TMOD1: variants seen among roughly 807,000 people sequenced by gnomAD.
The protein encoded by TMOD1 is tropomodulin 1.
A neutral mutation model predicts 40.6 loss-of-function variants in TMOD1; 17 were observed. That is an observed-to-expected ratio of 0.42 (90% CI 0.29 to 0.63). The LOEUF (loss-of-function observed/expected upper bound fraction) is 0.63, where lower values mean the gene tolerates loss of function less well. TMOD1 is among the 20% of genes least tolerant of loss of function. The pLI, the probability that TMOD1 is intolerant of heterozygous loss-of-function variation, is 0.22. For synonymous variants in TMOD1, 181 were observed against 175.0 expected (o/e 1.03, Z -0.27); for missense variants, 391 against 447.6 (o/e 0.87, Z 1.14).
intron 8 of TMOD1, among the ~76,000 whole-genome samples, 162 bp downstream of exon 8, chr9:97,569,199 G>C (rs1222016288): frequency 6.6e-6 from 1 of 152,118 alleles, no homozygotes; most frequent in African/African-American, 2.4e-5. Flanking sequence ...CCTCTACCAC[G>C]CTCACCTTCC....
upstream of TMOD1, chr9:97,501,553 G>C (rs182340472): frequency 3.3e-5 from 5 of 150,504 alleles, no homozygotes; most frequent in Non-Finnish European, 7.4e-5. Context: ...GTGGAGGGGG[G>C]GGGAAGGAGG....
Position 97,590,517 on chromosome 9 carries a change from C to T in TMOD1, c.871-774C>T, listed in dbSNP as rs376919147. Among the ~76,000 whole-genome samples the T allele has an allele frequency of 3.1e-4, 47 of 152,200 alleles. No individual in the cohort carries two copies. In the South Asian group the frequency reaches 6.8e-3, roughly 22 times the overall value. On this transcript the variant is annotated intron_variant, in intron 8 of 9. Coordinates refer to ENST00000259365, the MANE Select transcript of TMOD1 (RefSeq NM_003275.4). ...CTAGGATAACAGGCATGAGCCACCA[C>T]GCCTGGCCTCTTAAGAAATTGTTTC...
chr9:97,559,815 ATATATATATGTCTATCTATCTATCTATC>A (rs1354249071), intron 4 of TMOD1, among the ~76,000 whole-genome samples: 3 of 53,128 alleles, frequency 5.6e-5, no homozygotes, highest in East Asian at 1.1e-3. Flanking sequence ...ATATATATAT[ATATATATATGTCTATCTATCTATCTATC>A]TATCTATCTC....
intron 2 of TMOD1, among the ~76,000 whole-genome samples, chr9:97,539,148 T>G (rs1342019379): frequency 6.6e-6 from 1 of 152,220 alleles, no homozygotes; most frequent in Non-Finnish European, 1.5e-5. Flanking sequence ...CTTTGTGGGA[T>G]CATAGCCCTA....
At chr9:97,579,124 G>A (rs1045758773) in intron 8 of TMOD1, among the ~76,000 whole-genome samples, 2 of 152,186 alleles carry the variant, frequency 1.3e-5, no homozygotes, top group Non-Finnish European at 2.9e-5. Context: ...GCCTGCCGTG[G>A]CCAGCTTTCT....
intron 8 of TMOD1, 151 bp downstream of exon 8, chr9:97,569,188 C>A: frequency 2.2e-6 from 2 of 892,764 alleles, no homozygotes; most frequent in Non-Finnish European, 3.3e-6. Flanking sequence ...AAAGTTCACA[C>A]CCTCTACCAC....
intron 2 of TMOD1, among the ~76,000 whole-genome samples, chr9:97,527,677 G>T (rs538047630): frequency 1.3e-5 from 2 of 152,216 alleles, no homozygotes; most frequent in Admixed American, 1.3e-4. Context: ...CGACTGACGG[G>T]TTTAGACTTT....
intron 9 of TMOD1, among the ~76,000 whole-genome samples, chr9:97,598,285 G>A (rs1015026933): frequency 3.1e-5 from 4 of 131,006 alleles, no homozygotes; most frequent in African/African-American, 9.2e-5. Flanking sequence ...CCAAGATTGC[G>A]CCACTGCACT....
chr9:97,553,429 TC>T, intron 4 of TMOD1, 29 bp downstream of exon 4: 1 of 1,613,854 alleles, frequency 6.2e-7, no homozygotes, highest in East Asian at 2.2e-5. Context: ...GCTTTCCACA[TC>T]CTCCAGAAGG....
chr9:97,546,050 G>T, intron 2 of TMOD1, 135 bp from the exon 3 acceptor site: 2 of 1,057,316 alleles, frequency 1.9e-6, no homozygotes, highest in South Asian at 1.8e-5. Flanking sequence ...GGAACACCAT[G>T]GATTCCATGA....
chr9:97,574,900 G>A (rs566848220), intron 8 of TMOD1, among the ~76,000 whole-genome samples: 2 of 152,248 alleles, frequency 1.3e-5, no homozygotes, highest in East Asian at 3.9e-4. Flanking sequence ...GATTGTAAAC[G>A]CACCAGTCAG....
At chr9:97,537,599 C>T (rs1830204397) in intron 2 of TMOD1, among the ~76,000 whole-genome samples, 1 of 152,158 alleles carries the variant, frequency 6.6e-6, no homozygotes, top group Admixed American at 6.6e-5. Context: ...TGTTAGCCTG[C>T]CAAGCTGCAC....
In TMOD1 at chr9:97,601,494, T is replaced by G. The variant is rs1826258573; in HGVS notation, c.*1796T>G. On this transcript the variant is annotated 3_prime_UTR_variant, in exon 10 of 10. Transcript: ENST00000259365. ...GGGAAAGCAGAGCTATCAGAGGAAATCTCTCATAGAAACGAAACCAAACCA... is the reference window on the plus strand; with the variant it reads ...GGGAAAGCAGAGCTATCAGAGGAAAGCTCTCATAGAAACGAAACCAAACCA... 1.0e-6 allele frequency: 1 copy of G among 990,216 alleles called. No homozygotes were observed. The highest frequency in any genetic ancestry group is 1.7e-5 in the African/African-American group (1 of 57,262). The allele number at this position is 990,216 out of a possible 1,614,324, so 61.3% of individuals were successfully genotyped here.
intron 1 of TMOD1, among the ~76,000 whole-genome samples, chr9:97,511,664 A>G (rs1471959565): frequency 2.6e-5 from 4 of 152,154 alleles, no homozygotes; most frequent in Non-Finnish European, 5.9e-5. Flanking sequence ...GACTCACTGC[A>G]GCTTCTTCCT....
intron 4 of TMOD1, among the ~76,000 whole-genome samples, chr9:97,559,772 TAAAAAAAAAA>T (rs58522887): frequency 2.3e-3 from 85 of 36,840 alleles, no homozygotes; most frequent in African/African-American, 6.6e-3. Flanking sequence ...CTCAAAAATT[TAAAAAAAAAA>T]AAAAAAAAAA....
intron 2 of TMOD1, among the ~76,000 whole-genome samples, chr9:97,526,894 C>T (rs926889402): frequency 2.6e-5 from 4 of 152,168 alleles, no homozygotes; most frequent in Admixed American, 1.3e-4. Flanking sequence ...GATTAAGTGG[C>T]TTCATTCCAG....
chr9:97,505,139 T>G (rs2131202565), intron 1 of TMOD1, among the ~76,000 whole-genome samples: 1 of 152,356 alleles, frequency 6.6e-6, no homozygotes, highest in South Asian at 2.1e-4. Flanking sequence ...TTCTTTCGTG[T>G]TAGGTGTTGC....
chr9:97,556,398 C>T (rs1198656500), intron 4 of TMOD1, among the ~76,000 whole-genome samples: 2 of 152,164 alleles, frequency 1.3e-5, no homozygotes, highest in East Asian at 1.9e-4. Context: ...GGAGCAGGCC[C>T]ACCAGAGAGT....
At chr9:97,545,827 A>G (rs145668290) in intron 2 of TMOD1, among the ~76,000 whole-genome samples, 1 of 152,314 alleles carries the variant, frequency 6.6e-6, no homozygotes, top group Non-Finnish European at 1.5e-5. Flanking sequence ...AATCATATTC[A>G]TCACTCAGCA....
Sources: gnomAD v4.1 joint callset for allele counts (sites outside exome capture counted in the v4.1 genomes callset) on GRCh38, gnomAD v4.1.1 for gene constraint, MANE v1.5 for transcripts, NCBI Gene and HGNC (gene_info 2026-07-23, HGNC 2026-07-21) for gene names.